Variants in OVCH2 observed in about 807,000 individuals in gnomAD.
OVCH2 encodes ovochymase 2.
Under a neutral mutation model 73.7 loss-of-function variants are expected in OVCH2, and 88 were observed. The ratio of observed to expected loss-of-function variants is 1.19; its 90% CI spans 1.01 to 1.43. The LOEUF (loss-of-function observed/expected upper bound fraction) is 1.43, where lower values mean the gene tolerates loss of function less well. OVCH2 is among the 40% of genes most tolerant of loss of function. The pLI is 0.00. For synonymous variants in OVCH2, 265 were observed against 234.5 expected (o/e 1.13, Z -1.19); for missense variants, 706 against 674.5 (o/e 1.05, Z -0.52).
rs769150915 is a variant in OVCH2, at chr11:7,691,259, ATCT to A, written c.1639+7_1639+9del. ...TGGGAACCAAAGAGTTGGTAACTCT[ATCT>A]TCTTACCTGCTTTAGGAATGAAGGA... On this transcript the variant is annotated splice_region_variant and intron_variant, in intron 14 of 15. Coordinates refer to ENST00000533663, the MANE Select transcript of OVCH2 (RefSeq NM_198185.7). The A allele has an allele frequency of 6.3e-7, 1 of 1,599,824 alleles. No individual in the cohort carries two copies. Among genetic ancestry groups the A allele is most frequent in the Admixed American group, 1.7e-5 (1 of 57,506 alleles).
At chr11:7,692,156 A>T (rs2136151380) in intron 12 of OVCH2, among the ~76,000 whole-genome samples, 161 bp from the exon 13 acceptor site, 1 of 152,328 alleles carries the variant, frequency 6.6e-6, no homozygotes, top group East Asian at 1.9e-4. Flanking sequence ...CAAGGGAAGG[A>T]TTCTATATCA....
downstream of OVCH2, among the ~76,000 whole-genome samples, chr11:7,684,921 G>C (rs1856126638): frequency 6.6e-6 from 1 of 152,104 alleles, no homozygotes; most frequent in Non-Finnish European, 1.5e-5. Context: ...TCTTGCATTT[G>C]TCTCTCTCTC....
chr11:7,689,663 G>A (rs1856182596), intron 15 of OVCH2, 61 bp from the exon 16 acceptor site: 1 of 553,404 alleles, frequency 1.8e-6, no homozygotes, highest in Non-Finnish European at 3.4e-6. Context: ...CTCCCTGTGT[G>A]TGTATGTCTC....
chr11:7,691,502 G>C (rs1364217524), intron 13 of OVCH2, 102 bp from the exon 14 acceptor site: 17 of 1,383,124 alleles, frequency 1.2e-5, no homozygotes, highest in Non-Finnish European at 6.8e-6. Context: ...GGTAATTGTT[G>C]AGAAATACGC....
intron 6 of OVCH2, among the ~76,000 whole-genome samples, chr11:7,700,861 T>A (rs1856424359): frequency 6.6e-6 from 1 of 152,230 alleles, no homozygotes; most frequent in African/African-American, 2.4e-5. Flanking sequence ...TGGAAAATTC[T>A]AAATAGGAAA....
At chr11:7,680,748 G>T in the OVCH2 span, among the ~76,000 whole-genome samples, 1 of 152,224 alleles carries the variant, frequency 6.6e-6, no homozygotes, top group Non-Finnish European at 1.5e-5. Flanking sequence ...AACTGTAATA[G>T]AATAGATGTG....
intron 1 of OVCH2, 139 bp from the exon 2 acceptor site, chr11:7,704,813 T>C (rs1856503960): frequency 1.0e-5 from 6 of 601,872 alleles, no homozygotes; most frequent in Non-Finnish European, 1.8e-5. Context: ...AATAAATCTT[T>C]ATTGGATTTA....
At chr11:7,697,287 C>T (rs1448086421) in intron 8 of OVCH2, among the ~76,000 whole-genome samples, 2 of 152,308 alleles carry the variant, frequency 1.3e-5, no homozygotes, top group East Asian at 3.9e-4. Context: ...AGCGATCCTC[C>T]CACCTGAGCC....
chr11:7,698,189 T>C (rs1332179948), intron 8 of OVCH2, among the ~76,000 whole-genome samples: 1 of 152,224 alleles, frequency 6.6e-6, no homozygotes, highest in Non-Finnish European at 1.5e-5. Flanking sequence ...TGTTTTCAGC[T>C]AGAAGCAGCC....
At chr11:7,678,784 A>C in the OVCH2 span, among the ~76,000 whole-genome samples, 10 of 152,202 alleles carry the variant, frequency 6.6e-5, no homozygotes, top group Non-Finnish European at 1.5e-4. Flanking sequence ...GGGGACTGCT[A>C]GAAGGGAGAG....
rs1011347931 is a variant in OVCH2 at position 7,701,459 on chromosome 11, T to C, written c.576A>G (p.Gln192=). Residue 192 remains glutamine, a synonymous_variant, in exon 6 of 16, where the codon CAA becomes CAG. Transcript: ENST00000533663. ...TAGGCAGATTCACTTCCTGCAAGAC[T>C]TGTGAGAGGACGCCACCTGAAAAAC... ...GRLTEGGVLS[Q]VLQEVNLPIL... 6 of 1,611,366 alleles carry C rather than the reference T, an allele frequency of 3.7e-6. No homozygotes were observed. Among genetic ancestry groups the C allele is most frequent in the Non-Finnish European group, 5.1e-6 (6 of 1,178,946 alleles).
At chr11:7,692,826 A>T (rs10839844) in intron 12 of OVCH2, among the ~76,000 whole-genome samples, 77,914 of 152,114 alleles carry the variant, frequency 0.51, 22,190 homozygotes, top group Non-Finnish European at 0.64. Context: ...AGAATAAATC[A>T]TGACAAACCT....
rs774034011 is a variant in OVCH2, at chr11:7,701,309, G to T, written c.711+15C>A. 2 of 1,602,272 alleles carry T rather than the reference G, an allele frequency of 1.2e-6. No homozygotes were observed. Among genetic ancestry groups the T allele is most frequent in the East Asian group, 2.2e-5 (1 of 44,708 alleles). ...TCCTTGCCTGGGGCCTGACAGCCCCGCAGCTCCCACCCACCTGACATGCGT... is the reference window on the plus strand; with the variant it reads ...TCCTTGCCTGGGGCCTGACAGCCCCTCAGCTCCCACCCACCTGACATGCGT... On this transcript the variant is annotated intron_variant, in intron 6 of 15. Transcript: ENST00000533663.
chr11:7,686,373 T>C (rs1319928107), downstream of OVCH2, among the ~76,000 whole-genome samples: 1 of 152,226 alleles, frequency 6.6e-6, no homozygotes, highest in East Asian at 1.9e-4. Flanking sequence ...GGATTGTACA[T>C]TAATGCTATT....
chr11:7,693,782 A>G lies in OVCH2; in HGVS notation c.1413+1276T>C, dbSNP rs1205291724. On this transcript the variant is annotated intron_variant, in intron 12 of 15. Coordinates refer to ENST00000533663, the MANE Select transcript of OVCH2 (RefSeq NM_198185.7). Reference sequence around the variant, plus strand: ...CTGTGTGATCTTGTTTCTGCCATTAACATCTGACTTCACGTGATATTTCAG... The same window carrying G: ...CTGTGTGATCTTGTTTCTGCCATTAGCATCTGACTTCACGTGATATTTCAG... Among the ~76,000 whole-genome samples, 3 of 152,122 alleles carry G rather than the reference A, an allele frequency of 2.0e-5. No homozygotes were observed. The East Asian group carries it at 5.8e-4, about 29-fold the overall frequency.
chr11:7,702,114 A>C (rs368040268), intron 4 of OVCH2, 43 bp downstream of exon 4: 11 of 1,513,134 alleles, frequency 7.3e-6, no homozygotes, highest in Non-Finnish European at 9.1e-6. Context: ...GAGGTTATAG[A>C]GAACATGGGG....
rs762164061 is a variant in OVCH2 at position 7,701,807 on chromosome 11, G to A, written c.468C>T (p.His156=). 60 of 1,609,258 alleles carry A rather than the reference G, an allele frequency of 3.7e-5. No homozygotes were observed. Among genetic ancestry groups the A allele is most frequent in the African/African-American group, 6.7e-5 (5 of 74,712 alleles). Residue 156 remains histidine (H), a synonymous_variant, in exon 5 of 16, where the codon CAC becomes CAT. Transcript: ENST00000533663. ...CTGGAAGACATATGGGCCCCACAAA[G>A]TGGCCTGAAGAAAAGAGCAAGGTAG... is the stretch of plus-strand genomic sequence containing the variant. The part of the protein sequence containing the change: ...LKMAGAFQFG[H]FVGPICLPEL...
intron 3 of OVCH2, 107 bp from the exon 4 acceptor site, chr11:7,702,436 G>A (rs1259640533): frequency 4.8e-6 from 4 of 830,200 alleles, no homozygotes; most frequent in Admixed American, 3.4e-5. Flanking sequence ...AATAATATGG[G>A]GTGTGAGGCT....
In OVCH2 at chr11:7,689,528, C is replaced by A; in HGVS notation, c.*106G>T. ...CAGCAGGGATGGCTCTGTCTGAGGG[C>A]TGTGACGAGGAGTCTGCCCCAAGCC... On this transcript the variant is annotated 3_prime_UTR_variant, in exon 16 of 16. Transcript: ENST00000533663. The A allele has an allele frequency of 2.4e-6, 1 of 423,142 alleles. No homozygotes were observed. Among genetic ancestry groups the A allele is most frequent in the South Asian group, 1.7e-5 (1 of 57,796 alleles). The allele number at this position is 423,142 out of a possible 1,614,324, so 26.2% of individuals were successfully genotyped here.
Sources: gnomAD v4.1 joint callset for allele counts (sites outside exome capture counted in the v4.1 genomes callset) on GRCh38, gnomAD v4.1.1 for gene constraint, MANE v1.5 for transcripts, NCBI Gene and HGNC (gene_info 2026-07-23, HGNC 2026-07-21) for gene names.